RAD52: variants seen among roughly 807,000 people sequenced by gnomAD.
RAD52 encodes the protein RAD52 DNA repair protein.
A neutral mutation model predicts 55.5 loss-of-function variants in RAD52; 47 were observed. The ratio of observed to expected loss-of-function variants is 0.85; its 90% confidence interval spans 0.67 to 1.08. RAD52 has a LOEUF of 1.08. Ranked by LOEUF, RAD52 falls within the 50% of genes least tolerant of loss-of-function variation. The pLI is 0.00. For missense variants in RAD52, 468 were observed against 522.8 expected (o/e 0.90, Z 1.02); for synonymous variants, 184 against 198.9 (o/e 0.92, Z 0.63).
chr12:983,872 A>C (rs2154122052), intron 1 of RAD52, among the ~76,000 whole-genome samples: 1 of 152,320 alleles, frequency 6.6e-6, no homozygotes, highest in South Asian at 2.1e-4. Context: ...CTCATCTCCA[A>C]ATATAGTCAC....
At chr12:942,075 G>A (rs573829208) in intron 1 of RAD52, among the ~76,000 whole-genome samples, 2 of 152,146 alleles carry the variant, frequency 1.3e-5, no homozygotes, top group African/African-American at 2.4e-5. Context: ...AACTTTACCA[G>A]ACTTTTCTGT....
chr12:968,782 C>G (rs982303692), intron 1 of RAD52, among the ~76,000 whole-genome samples: 1 of 152,030 alleles, frequency 6.6e-6, no homozygotes, highest in Non-Finnish European at 1.5e-5. Context: ...CCTGCCCTTC[C>G]CCATAAGAAT....
rs567146763 is a variant in RAD52 at position 968,469 on chromosome 12, C to A, written c.-19+21340G>T. The stretch of plus-strand genomic sequence containing the variant: ...CTGTCTGGTGCTTCCCGGGAAGACC[C>A]CACTTGCAAGGCTGCCTTTATTTAA... On this transcript the variant is annotated intron_variant, in intron 1 of 11. Transcript: ENST00000430095. Among the ~76,000 whole-genome samples the A allele has an allele frequency of 3.3e-5, 5 of 152,076 alleles. No homozygotes were observed. The East Asian group carries it at 9.6e-4, about 29-fold the overall frequency.
intron 7 of RAD52, among the ~76,000 whole-genome samples, chr12:920,216 CAAA>C (rs780558984): frequency 4.4e-5 from 3 of 68,834 alleles, no homozygotes; most frequent in Admixed American, 1.4e-4. Context: ...GACTCCGTCT[CAAA>C]AAAAAAAAAA....
At chr12:926,204 G>C (rs1006340117) in intron 6 of RAD52, among the ~76,000 whole-genome samples, 1 of 152,076 alleles carries the variant, frequency 6.6e-6, no homozygotes, top group African/African-American at 2.4e-5. Flanking sequence ...GTGGTTTTGA[G>C]TGTGGGGGCT....
intron 7 of RAD52, 63 bp from the exon 8 acceptor site, chr12:916,883 G>C: frequency 1.3e-6 from 2 of 1,552,786 alleles, no homozygotes; most frequent in Non-Finnish European, 1.7e-6. Context: ...GCTTCTCCCT[G>C]ACTCACAGAT....
intron 1 of RAD52, among the ~76,000 whole-genome samples, chr12:961,912 C>T (rs1054808387): frequency 5.3e-5 from 8 of 151,962 alleles, no homozygotes; most frequent in African/African-American, 1.4e-4. Context: ...GGGATGTGCT[C>T]ACACAGTGGA....
rs116223921 is a variant in RAD52, at chr12:948,195, C to A, written c.-19+1407G>T. Among the ~76,000 whole-genome samples, 1,298 of 151,960 alleles carry A rather than the reference C, an allele frequency of 8.5e-3. 28 individuals carry two copies. Among genetic ancestry groups the A allele is most frequent in the African/African-American group, 0.03 (1,229 of 41,424 alleles). On this transcript the variant is annotated intron_variant, in intron 1 of 11. Coordinates refer to ENST00000358495, the MANE Select transcript of RAD52 (RefSeq NM_134424.4). ...ACTTTGAATCATGAAGTGAAATAAACCAAACACAAAAGAACAAATATTGTA... is the reference window on the plus strand; with the variant it reads ...ACTTTGAATCATGAAGTGAAATAAAACAAACACAAAAGAACAAATATTGTA...
chr12:958,022 C>G (rs1958632352), intron 1 of RAD52, among the ~76,000 whole-genome samples: 2 of 152,194 alleles, frequency 1.3e-5, no homozygotes, highest in African/African-American at 4.8e-5. Flanking sequence ...AGGATCTGTT[C>G]TTCAGGATGG....
intron 1 of RAD52, among the ~76,000 whole-genome samples, chr12:958,764 G>A (rs1958644675): frequency 2.0e-5 from 3 of 152,172 alleles, no homozygotes; most frequent in African/African-American, 7.2e-5. Context: ...TGCAGGGTGC[G>A]TGTGGCGATT....
chr12:981,168 C>CAA (rs35150113), intron 1 of RAD52, among the ~76,000 whole-genome samples: 1 of 130,510 alleles, frequency 7.7e-6, no homozygotes, highest in Non-Finnish European at 1.7e-5. Context: ...CCGTCTCTAC[C>CAA]AAAAAAAAAA....
At chr12:990,275 C>T (rs895175946), upstream of RAD52, 15 of 152,050 alleles carry the variant, frequency 9.9e-5, no homozygotes. Flanking sequence ...ATATAATTCA[C>T]ACCATTCTTA....
At chr12:955,594 C>T (rs1399426021) in intron 1 of RAD52, among the ~76,000 whole-genome samples, 1 of 152,002 alleles carries the variant, frequency 6.6e-6, no homozygotes, top group Admixed American at 6.6e-5. Flanking sequence ...CAGCCTCAGC[C>T]TCCCGAGTAA....
At chr12:922,768 G>A (rs1490489444) in intron 7 of RAD52, among the ~76,000 whole-genome samples, 1 of 152,142 alleles carries the variant, frequency 6.6e-6, no homozygotes. Flanking sequence ...CCAGGAGTTT[G>A]AGACTAGCCT....
intron 7 of RAD52, among the ~76,000 whole-genome samples, chr12:922,232 A>G (rs975192300): frequency 7.3e-5 from 11 of 151,650 alleles, no homozygotes; most frequent in African/African-American, 9.7e-5. Flanking sequence ...TCAGAAAATA[A>G]CAAGTGCTGG....
chr12:983,957 TA>T (rs1421943726), intron 1 of RAD52, among the ~76,000 whole-genome samples: 1 of 152,172 alleles, frequency 6.6e-6, no homozygotes, highest in Non-Finnish European at 1.5e-5. Context: ...TGGATGCACA[TA>T]AGTTTTAAAA....
chr12:947,962 C>G (rs1453063650), intron 1 of RAD52, among the ~76,000 whole-genome samples: 1 of 87,160 alleles, frequency 1.1e-5, no homozygotes, highest in African/African-American at 4.7e-5. Flanking sequence ...CCTGACCCAA[C>G]CCAAGAGTTA....
intron 1 of RAD52, among the ~76,000 whole-genome samples, chr12:944,770 CT>C (rs146021033): frequency 1.4e-5 from 2 of 140,212 alleles, no homozygotes; most frequent in African/African-American, 5.2e-5. Context: ...ATTTTTCTTT[CT>C]TTTTTTTTTT....
At chr12:924,136 G>A (rs879374003) in intron 7 of RAD52, among the ~76,000 whole-genome samples, 19 of 151,798 alleles carry the variant, frequency 1.3e-4, no homozygotes, top group Non-Finnish European at 1.9e-4. Flanking sequence ...AAGGCCGGGC[G>A]CGGGGGCTCA....
Sources: gnomAD v4.1 joint callset for allele counts (sites outside exome capture counted in the v4.1 genomes callset) on GRCh38, gnomAD v4.1.1 for gene constraint, MANE v1.5 for transcripts, NCBI Gene and HGNC (gene_info 2026-07-23, HGNC 2026-07-21) for gene names.